The following TRAPPC9 variants were observed in gnomAD, a reference collection of about 807,000 sequenced individuals.
The protein encoded by TRAPPC9 is IKK2 binding protein.
In TRAPPC9, 83 loss-of-function variants were observed where a neutral mutation model predicts 124.0. That is an observed-to-expected ratio of 0.67 (90% CI 0.56 to 0.80). TRAPPC9 has a LOEUF of 0.80. Ranked by LOEUF, TRAPPC9 falls within the 30% of genes least tolerant of loss-of-function variation. TRAPPC9 has a pLI of 0.00. For missense variants in TRAPPC9, 1,302 were observed against 1,508.3 expected, an observed-to-expected ratio of 0.86 and a Z score of 2.27; for synonymous variants, 638 against 617.5, an observed-to-expected ratio of 1.03 and a Z score of -0.49.
intron 21 of TRAPPC9, among the ~76,000 whole-genome samples, chr8:139,854,938 G>A (rs531293549): frequency 1.3e-5 from 2 of 152,300 alleles, no homozygotes; most frequent in African/African-American, 2.4e-5. Context: ...GGCTTGAAGC[G>A]AGGGCTGATG....
intron 7 of TRAPPC9, among the ~76,000 whole-genome samples, chr8:140,375,503 G>C (rs1167271979): frequency 2.0e-5 from 3 of 152,202 alleles, no homozygotes; most frequent in African/African-American, 4.8e-5. Flanking sequence ...CACAGGACTT[G>C]TCTCTGGCAG....
chr8:140,103,720 G>A (rs768666766), intron 17 of TRAPPC9, among the ~76,000 whole-genome samples: 4 of 152,272 alleles, frequency 2.6e-5, no homozygotes, highest in South Asian at 2.1e-4. Context: ...TAGCCATGAC[G>A]CTATCTCAGC....
At chr8:140,289,217 T>A (rs1323965581) in intron 12 of TRAPPC9, among the ~76,000 whole-genome samples, 1 of 133,264 alleles carries the variant, frequency 7.5e-6, no homozygotes, top group Non-Finnish European at 1.6e-5. Flanking sequence ...GTGTGTGTGT[T>A]CTCATGTATG....
chr8:139,928,971 T>A (rs1450893610), intron 19 of TRAPPC9, among the ~76,000 whole-genome samples: 1 of 151,888 alleles, frequency 6.6e-6, no homozygotes, highest in Non-Finnish European at 1.5e-5. Context: ...CGCCCCTCGA[T>A]GTTGCTTACG....
intron 7 of TRAPPC9, among the ~76,000 whole-genome samples, chr8:140,388,575 C>CAGG: frequency 1.3e-5 from 2 of 151,700 alleles, no homozygotes; most frequent in Admixed American, 1.3e-4. Context: ...CCCAGCTACT[C>CAGG]AGGAGGCTGA....
In TRAPPC9 at chr8:139,740,742, G is replaced by C. The variant is rs1214173459; in HGVS notation, c.3056-8540C>G. 8.5e-5 allele frequency among the ~76,000 whole-genome samples: 13 copies of C among 152,218 alleles called. 1 individual carries two copies. The highest frequency in any genetic ancestry group is 8.5e-4 in the Admixed American group (13 of 15,284). The stretch of plus-strand genomic sequence containing the variant: ...CGGGCGGTGAGCTCAGGTGCTCCAT[G>C]GGGACGGGGCCCCAACTGGAGCCAT... On this transcript the variant is annotated intron_variant, in intron 21 of 22. Transcript: ENST00000438773.
intron 21 of TRAPPC9, among the ~76,000 whole-genome samples, chr8:139,815,919 T>C (rs1824799493): frequency 6.6e-6 from 1 of 152,178 alleles, no homozygotes; most frequent in African/African-American, 2.4e-5. Flanking sequence ...CCTTGAGACC[T>C]GACGTAGAAG....
rs953693451 is a variant in TRAPPC9, at chr8:139,729,859, G to T, written c.*1202C>A. Among the ~76,000 whole-genome samples, 1 of 152,184 alleles carries T rather than the reference G, an allele frequency of 6.6e-6. No homozygotes were observed. The highest frequency in any genetic ancestry group is 1.5e-5 in the Non-Finnish European group (1 of 68,024). On this transcript the variant is annotated 3_prime_UTR_variant, in exon 23 of 23. Coordinates refer to ENST00000438773, the MANE Select transcript of TRAPPC9 (RefSeq NM_001160372.4). Reference sequence around the variant, plus strand: ...CTCTGTCCCCCAATACTCCATGGGAGTTTCAGTGCCCAACGGGCACCTGAC... The same window carrying T: ...CTCTGTCCCCCAATACTCCATGGGATTTTCAGTGCCCAACGGGCACCTGAC...
At chr8:140,402,397 CAAAA>C (rs34659339) in intron 6 of TRAPPC9, among the ~76,000 whole-genome samples, 1 of 140,208 alleles carries the variant, frequency 7.1e-6, no homozygotes, top group East Asian at 2.1e-4. Context: ...GACCCTGTCT[CAAAA>C]AAAAAAAAAT....
At chr8:140,136,813 G>A (rs1225302810) in intron 17 of TRAPPC9, among the ~76,000 whole-genome samples, 2 of 152,170 alleles carry the variant, frequency 1.3e-5, no homozygotes, top group African/African-American at 4.8e-5. Context: ...TCCAGGCTGT[G>A]CCACACCCTG....
chr8:140,364,105 G>C (rs2068033299), intron 8 of TRAPPC9, among the ~76,000 whole-genome samples: 1 of 152,102 alleles, frequency 6.6e-6, no homozygotes, highest in South Asian at 2.1e-4. Context: ...GAAGGACAGG[G>C]AAGAGTGTCC....
In TRAPPC9 at chr8:139,984,952, G is replaced by A. The variant is rs1224009696; in HGVS notation, c.2810+3774C>T. ...AAGGGCAGCCGCTCTGGCTGGGTTA[G>A]ACACTTGTCCCAATGTGTTGCCAAT... On this transcript the variant is annotated intron_variant, in intron 19 of 22. Coordinates refer to ENST00000438773, the MANE Select transcript of TRAPPC9 (RefSeq NM_001160372.4). This position sits in a 1 kb window ranked among gnomAD's most constrained non-coding sequence, Gnocchi z 4.3. Among the ~76,000 whole-genome samples, 1 of 152,194 alleles carries A rather than the reference G, an allele frequency of 6.6e-6. No homozygotes were observed. Among genetic ancestry groups the A allele is most frequent in the East Asian group, 1.9e-4 (1 of 5,198 alleles).
intron 20 of TRAPPC9, among the ~76,000 whole-genome samples, 189 bp from the exon 21 acceptor site, chr8:139,886,158 A>T (rs181783293): frequency 8.5e-4 from 130 of 152,352 alleles, no homozygotes; most frequent in African/African-American, 3.0e-3. Flanking sequence ...CATATAAAAC[A>T]GCAAGTGCTT....
chr8:140,282,675 A>C (rs2131703710), intron 14 of TRAPPC9, among the ~76,000 whole-genome samples: 1 of 152,242 alleles, frequency 6.6e-6, no homozygotes, highest in South Asian at 2.1e-4. Flanking sequence ...TTAAAATTGA[A>C]TTTTCTCAAG....
At chr8:140,055,471 T>C (rs1196539921) in intron 17 of TRAPPC9, among the ~76,000 whole-genome samples, 2 of 152,184 alleles carry the variant, frequency 1.3e-5, no homozygotes, top group African/African-American at 4.8e-5. Flanking sequence ...GAAGCAAGGA[T>C]GACCACTCTT....
chr8:140,272,491 G>C (rs188897590), intron 15 of TRAPPC9, among the ~76,000 whole-genome samples: 1 of 150,286 alleles, frequency 6.7e-6, no homozygotes, highest in Non-Finnish European at 1.5e-5. Context: ...TGGTGGCAGC[G>C]GTGATGCCGG....
At chr8:140,456,714 T>C (rs1036670032) in intron 1 of TRAPPC9, 1 of 802,950 alleles carries the variant, frequency 1.2e-6, no homozygotes, top group East Asian at 1.3e-4. Context: ...ATGTCATAGG[T>C]AGCTATGACT....
At chr8:140,062,194 C>G (rs962878996) in intron 17 of TRAPPC9, among the ~76,000 whole-genome samples, 4 of 152,138 alleles carry the variant, frequency 2.6e-5, no homozygotes, top group African/African-American at 9.7e-5. Flanking sequence ...CTGCCTGAAA[C>G]CAGGATGGGC....
Position 140,292,461 on chromosome 8 carries a change from A to G in TRAPPC9, c.1769-1383T>C, listed in dbSNP as rs368983305. On this transcript the variant is annotated intron_variant, in intron 11 of 22. Coordinates refer to ENST00000438773, the MANE Select transcript of TRAPPC9 (RefSeq NM_001160372.4). ...AGGGCTTCTTCTCTAGCAGATAAGAACGTCTGTTGACCAGAATTATTCAAC... is the reference window on the plus strand; with the variant it reads ...AGGGCTTCTTCTCTAGCAGATAAGAGCGTCTGTTGACCAGAATTATTCAAC... Among the ~76,000 whole-genome samples the G allele has an allele frequency of 7.2e-5, 11 of 152,156 alleles. No homozygotes were observed. In the East Asian group the frequency reaches 2.1e-3, roughly 29 times the overall value.
Sources: gnomAD v4.1 joint callset for allele counts (sites outside exome capture counted in the v4.1 genomes callset) on GRCh38, gnomAD v4.1.1 for gene constraint, Gnocchi (gnomAD v3.1) non-coding constraint, MANE v1.5 for transcripts, NCBI Gene and HGNC (gene_info 2026-07-23, HGNC 2026-07-21) for gene names.